Variants in GATAD1 observed in about 807,000 individuals in gnomAD.
GATAD1 encodes the protein GATA zinc finger domain-containing protein 1.
Under a neutral mutation model 26.5 loss-of-function variants are expected in GATAD1, and 12 were observed. That is an observed-to-expected ratio of 0.45 (90% CI 0.29 to 0.73). The LOEUF (loss-of-function observed/expected upper bound fraction) is 0.73, where lower values mean the gene tolerates loss of function less well. GATAD1 is among the 30% of genes least tolerant of loss of function. GATAD1 has a pLI of 0.10. For synonymous variants in GATAD1, 129 were observed against 133.1 expected, an observed-to-expected ratio of 0.97 and a Z score of 0.21; for missense variants, 266 against 342.1, an observed-to-expected ratio of 0.78 and a Z score of 1.75.
At chr7:92,451,244 TAGTG>T (rs1160918858) in intron 3 of GATAD1, among the ~76,000 whole-genome samples, 7 of 152,080 alleles carry the variant, frequency 4.6e-5, no homozygotes, top group African/African-American at 1.7e-4. Flanking sequence ...TAGAAATTCA[TAGTG>T]AGAGGAATTC....
At chr7:92,486,830 A>G in the GATAD1 span, among the ~76,000 whole-genome samples, 3 of 152,240 alleles carry the variant, frequency 2.0e-5, no homozygotes, top group African/African-American at 7.2e-5. Flanking sequence ...TTTAGTTCAT[A>G]TATGAGAGAA....
the GATAD1 span, among the ~76,000 whole-genome samples, chr7:92,474,044 G>T: frequency 6.6e-6 from 1 of 151,938 alleles, no homozygotes; most frequent in African/African-American, 2.4e-5. Flanking sequence ...CTTGTAGACC[G>T]CACTGGAAGC....
the GATAD1 span, chr7:92,493,543 G>C: frequency 1.3e-5 from 2 of 157,788 alleles, no homozygotes; most frequent in Non-Finnish European, 2.8e-5. Flanking sequence ...GGAGGCTGAG[G>C]TGGGGAGATT....
chr7:92,461,208 T>C (rs1191189588), downstream of GATAD1: 1 of 152,272 alleles, frequency 6.6e-6, no homozygotes, highest in Non-Finnish European at 1.5e-5. Context: ...ACCAGCTTCT[T>C]CTGCAGGGTG....
At chr7:92,492,553 G>A in the GATAD1 span, among the ~76,000 whole-genome samples, 1 of 152,094 alleles carries the variant, frequency 6.6e-6, no homozygotes, top group Admixed American at 6.5e-5. Flanking sequence ...ATACAAAAGG[G>A]GCTCCTATTG....
the GATAD1 span, among the ~76,000 whole-genome samples, chr7:92,492,024 A>G: frequency 6.6e-6 from 1 of 152,232 alleles, no homozygotes; most frequent in Admixed American, 6.5e-5. Flanking sequence ...TTCCTAGAAA[A>G]TATATGGTAA....
intron 3 of GATAD1, among the ~76,000 whole-genome samples, chr7:92,451,079 C>T (rs1303593664): frequency 2.6e-5 from 4 of 151,938 alleles, no homozygotes; most frequent in South Asian, 2.1e-4. Context: ...GCCGTTAGTG[C>T]GATGGCATTG....
the GATAD1 span, chr7:92,489,225 A>T: frequency 7.6e-7 from 1 of 1,309,884 alleles, no homozygotes; most frequent in Non-Finnish European, 1.1e-6. Flanking sequence ...CGAACTTTAA[A>T]GGTTTAAGTG....
At chr7:92,467,323 A>C in the GATAD1 span, among the ~76,000 whole-genome samples, 1 of 152,158 alleles carries the variant, frequency 6.6e-6, no homozygotes. Flanking sequence ...AAAATAAAAA[A>C]AAAATTATAT....
At chr7:92,472,728 A>T in the GATAD1 span, 1 of 152,158 alleles carries the variant, frequency 6.6e-6, no homozygotes, top group Admixed American at 6.5e-5. Context: ...TAGTTGCTTT[A>T]GGGTTTTGGG....
chr7:92,486,363 T>G, the GATAD1 span, among the ~76,000 whole-genome samples: 2 of 152,248 alleles, frequency 1.3e-5, no homozygotes, highest in Non-Finnish European at 2.9e-5. Context: ...ATGAACTTAC[T>G]AAATGGTTTT....
chr7:92,468,526 T>C, the GATAD1 span: 2 of 373,178 alleles, frequency 5.4e-6, no homozygotes, highest in East Asian at 5.0e-5. Flanking sequence ...TCTCAGGCAA[T>C]AGATGATTGG....
At chr7:92,494,230 A>G in the GATAD1 span, 8 of 1,227,306 alleles carry the variant, frequency 6.5e-6, no homozygotes, top group Admixed American at 1.5e-4. Flanking sequence ...TGGCAGAAGT[A>G]AAGCTCACAA....
chr7:92,448,652 A>G lies in GATAD1; in HGVS notation c.250-100A>G. 4.4e-6 allele frequency: 4 copies of G among 899,970 alleles called. No homozygotes were observed. In the Admixed American group the frequency reaches 6.0e-5, roughly 14 times the overall value. 55.7% of individuals were successfully genotyped at this position (899,970 alleles called of 1,614,324 possible). Reference sequence around the variant, plus strand: ...AATCTTAATTGTTAAATGCTCTTATAAAGTACATACTCTGGGATCCTTGTA... The same window carrying G: ...AATCTTAATTGTTAAATGCTCTTATGAAGTACATACTCTGGGATCCTTGTA... On this transcript the variant is annotated intron_variant, in intron 1 of 4. Transcript: ENST00000287957.
In GATAD1 at chr7:92,457,795, C is replaced by T. The variant is rs1032581268; in HGVS notation, c.*1233C>T. ...GTGACAGCTTTTTGGCTGCTTTAAC[C>T]ATAAGAAAAATGATTGGTGGATGAT... On this transcript the variant is annotated 3_prime_UTR_variant, in exon 5 of 5. Coordinates refer to ENST00000287957, the MANE Select transcript of GATAD1 (RefSeq NM_021167.5). 1 of 152,172 alleles carries T rather than the reference C, an allele frequency of 6.6e-6. No individual in the cohort carries two copies. Among genetic ancestry groups the T allele is most frequent in the African/African-American group, 2.4e-5 (1 of 41,446 alleles). 9.4% of individuals were successfully genotyped at this position (152,172 alleles called of 1,614,324 possible). A position where few individuals can be genotyped will look rare whatever the true frequency, so the allele number is the denominator to read the frequency against.
chr7:92,447,868 G>T lies in GATAD1; in HGVS notation c.139G>T (p.Gly47Trp). ...GGAGSGGAGS[G>W]AAGGTGGSGG... ...CGCGGGCAGCGGGGGCGCAGGCTCG[G>T]GGGCGGCTGGAGGGACTGGGGGCAG... Residue 47 changes from glycine to tryptophan, a missense_variant, in exon 1 of 5, where the codon GGG (glycine) becomes TGG (tryptophan). Coordinates refer to ENST00000287957, the MANE Select transcript of GATAD1 (RefSeq NM_021167.5). The T allele has an allele frequency of 7.4e-7, 1 of 1,359,994 alleles. No homozygotes were observed. 84.2% of individuals were successfully genotyped at this position (1,359,994 alleles called of 1,614,324 possible).
At chr7:92,469,712 CAAG>C in the GATAD1 span, 6 of 764,054 alleles carry the variant, frequency 7.9e-6, no homozygotes, top group East Asian at 1.5e-4. Flanking sequence ...AGATTGGAAA[CAAG>C]AGGTCCTACT....
the GATAD1 span, chr7:92,475,136 A>G: frequency 6.6e-6 from 1 of 152,142 alleles, no homozygotes; most frequent in Non-Finnish European, 1.5e-5. Flanking sequence ...TTTTCTACAA[A>G]AGAGGTCTAG....
chr7:92,468,990 A>G, the GATAD1 span: 5 of 758,454 alleles, frequency 6.6e-6, no homozygotes, highest in African/African-American at 8.5e-5. Flanking sequence ...TACAGGGTCC[A>G]AAGAGGAGTA....
Sources: allele counts gnomAD v4.1 joint callset (sites outside exome capture counted in the v4.1 genomes callset), GRCh38; gene constraint gnomAD v4.1.1; transcripts MANE v1.5; gene names NCBI Gene and HGNC (gene_info 2026-07-23, HGNC 2026-07-21).